Variants in PTK2B observed in about 807,000 individuals in gnomAD.
PTK2B encodes protein tyrosine kinase 2 beta.
PTK2B carries 71 observed loss-of-function variants against 142.9 expected under a neutral mutation model. The ratio of observed to expected loss-of-function variants is 0.50; its 90% CI spans 0.41 to 0.61. The LOEUF is 0.61. PTK2B is among the 20% of genes least tolerant of loss of function. The pLI, the probability that PTK2B is intolerant of heterozygous loss-of-function variation, is 0.00. For missense variants in PTK2B, 1,105 were observed against 1,320.4 expected (o/e 0.84, Z 2.53); for synonymous variants, 519 against 503.4 (o/e 1.03, Z -0.42).
At chr8:27,405,246 G>A (rs952161543) in intron 2 of PTK2B, among the ~76,000 whole-genome samples, 8 of 152,106 alleles carry the variant, frequency 5.3e-5, no homozygotes, top group Admixed American at 6.6e-5. Flanking sequence ...CAAGATGACC[G>A]GGACACAGGC....
chr8:27,451,675 G>A (rs756167657), intron 27 of PTK2B, 166 bp downstream of exon 27: 16 of 1,474,640 alleles, frequency 1.1e-5, no homozygotes, highest in South Asian at 2.8e-5. Context: ...CTTCCCCTCC[G>A]CTCCCTCCAC....
At chr8:27,366,691 C>T (rs1183227505) in intron 1 of PTK2B, among the ~76,000 whole-genome samples, 2 of 152,152 alleles carry the variant, frequency 1.3e-5, no homozygotes, top group African/African-American at 2.4e-5. Flanking sequence ...CATTTCCCCC[C>T]GAGGGAGGCA....
intron 16 of PTK2B, 60 bp downstream of exon 16, chr8:27,437,266 G>A (rs1810840050): frequency 1.3e-6 from 2 of 1,570,064 alleles, no homozygotes; most frequent in African/African-American, 1.4e-5. Context: ...CCTGGGAAGA[G>A]AGGGGTGAAC....
chr8:27,314,068 A>G (rs192391746), intron 3 of PTK2B, among the ~76,000 whole-genome samples: 1 of 152,224 alleles, frequency 6.6e-6, no homozygotes, highest in Admixed American at 6.5e-5. Flanking sequence ...CATACCTGGA[A>G]GGAAGAAATG....
At chr8:27,432,117 T>C in intron 9 of PTK2B, 143 bp from the exon 10 acceptor site, 1 of 682,188 alleles carries the variant, frequency 1.5e-6, no homozygotes, top group Non-Finnish European at 2.5e-6. Context: ...AGGATCCTTC[T>C]AGCCTTAATA....
chr8:27,364,663 C>G (rs1348223301), intron 1 of PTK2B, among the ~76,000 whole-genome samples: 1 of 152,218 alleles, frequency 6.6e-6, no homozygotes, highest in African/African-American at 2.4e-5. Context: ...TGTCTACCTG[C>G]ATATGAGTGA....
chr8:27,372,954 C>A (rs1806449071), intron 1 of PTK2B, among the ~76,000 whole-genome samples: 1 of 152,074 alleles, frequency 6.6e-6, no homozygotes, highest in Non-Finnish European at 1.5e-5. Flanking sequence ...GTGGCCACTT[C>A]AAGTCTTCTC....
In PTK2B at chr8:27,444,225, G is replaced by C; in HGVS notation, c.2168G>C (p.Arg723Thr). ...PPPKPSRPKY[R>T]PPPQTNLLAP... ...CTCCAGCCCAGCCGACCTAAGTACA[G>C]ACCCCCTCCGCAAACCAACCTCCTG... Residue 723 changes from arginine to threonine, a missense_variant, in exon 23 of 31, where the codon AGA (arginine) becomes ACA (threonine). Arg to Thr is a moderately conservative substitution (Grantham distance 71). Coordinates refer to ENST00000346049, the MANE Select transcript of PTK2B (RefSeq NM_173176.3). The C allele has an allele frequency of 6.2e-7, 1 of 1,613,784 alleles. No individual in the cohort carries two copies. The highest frequency in any genetic ancestry group is 8.5e-7 in the Non-Finnish European group (1 of 1,179,754).
chr8:27,372,524 G>A (rs1283189481), intron 1 of PTK2B, among the ~76,000 whole-genome samples: 2 of 152,160 alleles, frequency 1.3e-5, no homozygotes, highest in Non-Finnish European at 2.9e-5. Flanking sequence ...ATTCTCGTTA[G>A]GGAGGTCGAT....
chr8:27,311,371 G>T, upstream of PTK2B: 1 of 1,177,056 alleles, frequency 8.5e-7, no homozygotes, highest in Non-Finnish European at 1.1e-6. Context: ...AGCGGCGCTG[G>T]CCAATCGTGC....
chr8:27,354,354 G>C (rs1434952569), intron 1 of PTK2B, among the ~76,000 whole-genome samples: 1 of 152,152 alleles, frequency 6.6e-6, no homozygotes, highest in African/African-American at 2.4e-5. Context: ...GTCCAGGCCA[G>C]GACGGGGAGG....
At chr8:27,359,973 G>A (rs969539409) in intron 1 of PTK2B, among the ~76,000 whole-genome samples, 3 of 152,172 alleles carry the variant, frequency 2.0e-5, no homozygotes, top group African/African-American at 7.2e-5. Flanking sequence ...GGCCTCCATA[G>A]CTTTAGTGCC....
chr8:27,451,721 C>A, intron 27 of PTK2B: 1 of 1,413,584 alleles, frequency 7.1e-7, no homozygotes, highest in South Asian at 1.6e-5. Flanking sequence ...CTGCCCTTCT[C>A]TCTCTCAGTG....
intron 1 of PTK2B, among the ~76,000 whole-genome samples, chr8:27,362,387 C>G (rs889225569): frequency 4.6e-5 from 7 of 152,206 alleles, no homozygotes; most frequent in African/African-American, 1.7e-4. Flanking sequence ...CACCCCCACA[C>G]TGTGGCTCTT....
intron 4 of PTK2B, among the ~76,000 whole-genome samples, chr8:27,421,302 T>G (rs1438099719): frequency 1.5e-5 from 1 of 65,830 alleles, no homozygotes; most frequent in Non-Finnish European, 4.2e-5. Context: ...ATTTATTTAT[T>G]TATTTATTTA....
chr8:27,420,081 T>A lies in PTK2B; in HGVS notation c.383+8T>A. On this transcript the variant is annotated splice_region_variant and intron_variant, in intron 3 of 30. Transcript: ENST00000346049. ...CGTGGAAGCCGAGTGGAGGTAGGAGTGGATTCCTGGGCTCTGGAAGTGGGA... is the reference window on the plus strand; with the variant it reads ...CGTGGAAGCCGAGTGGAGGTAGGAGAGGATTCCTGGGCTCTGGAAGTGGGA... 1 of 1,613,056 alleles carries A rather than the reference T, an allele frequency of 6.2e-7. No homozygotes were observed. The highest frequency in any genetic ancestry group is 8.5e-7 in the Non-Finnish European group (1 of 1,179,412).
At chr8:27,435,536 C>T (rs891642818) in intron 13 of PTK2B, among the ~76,000 whole-genome samples, 7 of 152,234 alleles carry the variant, frequency 4.6e-5, no homozygotes, top group Admixed American at 2.6e-4. Context: ...TAATGCAAAT[C>T]GGGAAGCAGA....
Position 27,458,794 on chromosome 8 carries a change from A to G in PTK2B, c.*285A>G, listed in dbSNP as rs1407252572. On this transcript the variant is annotated 3_prime_UTR_variant, in exon 31 of 31. Coordinates refer to ENST00000346049, the MANE Select transcript of PTK2B (RefSeq NM_173176.3). ...ACTGCTCCCTAAGCCAGCCTGGTCC[A>G]TGCAGGGGGCTCCTGGGGGTGGGGA... 5.9e-6 allele frequency: 3 copies of G among 509,680 alleles called. No homozygotes were observed. The highest frequency in any genetic ancestry group is 6.8e-5 in the East Asian group (2 of 29,284). The allele number at this position is 509,680 out of a possible 1,614,324, so 31.6% of individuals were successfully genotyped here. A position where few individuals can be genotyped will look rare whatever the true frequency, so the allele number is the denominator to read the frequency against.
chr8:27,317,460 C>T (rs542655270), intron 3 of PTK2B, among the ~76,000 whole-genome samples: 1 of 149,160 alleles, frequency 6.7e-6, no homozygotes, highest in East Asian at 2.0e-4. Context: ...CTTATGCCTT[C>T]TATTATTTCA....
Sources: gnomAD v4.1 joint callset for allele counts (sites outside exome capture counted in the v4.1 genomes callset) on GRCh38, gnomAD v4.1.1 for gene constraint, MANE v1.5 for transcripts, NCBI Gene and HGNC (gene_info 2026-07-23, HGNC 2026-07-21) for gene names.